PNLDC1: variants seen among roughly 807,000 people sequenced by gnomAD.
PNLDC1 encodes the protein poly(A)-specific ribonuclease PNLDC1.
PNLDC1 carries 70 observed loss-of-function variants against 82.0 expected under a neutral mutation model. The observed-to-expected ratio is 0.85, with a 90% confidence interval of 0.70 to 1.04. The LOEUF is 1.04. Among genes scored for constraint, PNLDC1 ranks in the 50% least tolerant of loss-of-function variants. The pLI, the probability that PNLDC1 is intolerant of heterozygous loss-of-function variation, is 0.00. For missense variants in PNLDC1, 631 were observed against 661.1 expected (o/e 0.95, Z 0.50); for synonymous variants, 280 against 249.3 (o/e 1.12, Z -1.16).
At chr6:159,801,673 T>C (rs1416541165) in intron 3 of PNLDC1, among the ~76,000 whole-genome samples, 1 of 151,808 alleles carries the variant, frequency 6.6e-6, no homozygotes, top group Non-Finnish European at 1.5e-5. Flanking sequence ...CTTGACTTCC[T>C]GGGCTCGAGC....
At position 159,809,986 on chromosome 6, in the gene PNLDC1, T is replaced by G. The variant is rs1351047693; in HGVS notation, c.784-40T>G. ...GTTAGTCTGTAGTGTCTGGATTACA[T>G]TTTTTTATTTTCTCTCACCTGTTGA... On this transcript the variant is annotated intron_variant, in intron 9 of 18. Transcript: ENST00000392167. The G allele has an allele frequency of 2.0e-6, 3 of 1,538,004 alleles. No individual in the cohort carries two copies. In the Admixed American group the frequency reaches 5.0e-5, roughly 26 times the overall value.
At chr6:159,801,561 G>A (rs961073118) in intron 3 of PNLDC1, among the ~76,000 whole-genome samples, 11 of 151,960 alleles carry the variant, frequency 7.2e-5, no homozygotes, top group African/African-American at 2.7e-4. Context: ...ATACTAGCAC[G>A]TCAGCCTCCT....
Position 159,819,291 on chromosome 6 carries a change from A to G in PNLDC1, c.1471A>G (p.Thr491Ala). ...CCTGAAGGAGTACCGGGACCACCCGACCCTGTGCATCTCCCTGTACCGCTA... is the reference window on the plus strand; with the variant it reads ...CCTGAAGGAGTACCGGGACCACCCGGCCCTGTGCATCTCCCTGTACCGCTA... ...NILKEYRDHP[T>A]LCISLYRYWR... The change falls in exon 18 of 19, where the codon ACC (threonine) becomes GCC (alanine). Residue 491 changes from threonine (T) to alanine (A), a missense_variant. Coordinates refer to ENST00000392167, the MANE Select transcript of PNLDC1 (RefSeq NM_001271862.2). This position sits in a 1 kb window ranked among gnomAD's most constrained non-coding sequence, Gnocchi z 4.6. 1 of 1,613,796 alleles carries G rather than the reference A, an allele frequency of 6.2e-7. No individual in the cohort carries two copies. The highest frequency in any genetic ancestry group is 8.5e-7 in the Non-Finnish European group (1 of 1,180,004).
chr6:159,820,383 G>C, intron 18 of PNLDC1, 71 bp from the exon 19 acceptor site: 1 of 1,452,318 alleles, frequency 6.9e-7, no homozygotes, highest in Non-Finnish European at 9.7e-7. Context: ...GAAGGAGGAG[G>C]GGCAAGCCTG....
At chr6:159,800,647 G>T in intron 1 of PNLDC1, 125 bp from the exon 2 acceptor site, 2 of 1,585,864 alleles carry the variant, frequency 1.3e-6, no homozygotes, top group South Asian at 2.2e-5. Context: ...TTCCCTTCCT[G>T]ACCTCACTTG....
Position 159,819,187 on chromosome 6 carries a change from C to T in PNLDC1, c.1433+66C>T. The T allele has an allele frequency of 6.2e-7, 1 of 1,609,068 alleles. No individual in the cohort carries two copies. The highest frequency in any genetic ancestry group is 8.5e-7 in the Non-Finnish European group (1 of 1,176,350). On this transcript the variant is annotated intron_variant, in intron 17 of 18. Transcript: ENST00000392167. The surrounding 1 kb of genome is among the most constrained non-coding windows in gnomAD (Gnocchi z 4.6). ...TCATCCCTGTATCTCTCTGACTCCA[C>T]CCGCCTGATCACAGCAGGCGGCGCC... is the stretch of plus-strand genomic sequence containing the variant.
intron 11 of PNLDC1, 86 bp from the exon 12 acceptor site, chr6:159,813,515 A>G (rs2115049838): frequency 8.1e-7 from 1 of 1,241,000 alleles, no homozygotes; most frequent in Admixed American, 1.7e-5. Context: ...TTTCCAGGCC[A>G]TTTTAATGAC....
At chr6:159,804,421 TG>T (rs1457552509) in intron 5 of PNLDC1, 127 bp from the exon 6 acceptor site, 11 of 689,170 alleles carry the variant, frequency 1.6e-5, no homozygotes, top group Non-Finnish European at 2.5e-6. Context: ...GTCTTACAAG[TG>T]ATCTAGACGA....
chr6:159,800,785 G>A lies in PNLDC1; in HGVS notation c.90G>A (p.Glu30=), dbSNP rs1008219879. Residue 30 remains glutamate (E), a synonymous_variant, in exon 2 of 19, where the codon GAG becomes GAA. Transcript: ENST00000392167. ...QEADFVGLDI[E]FTGLRSNLSG... Reference sequence around the variant, plus strand: ...CCTTCCTGGCAGGTCTGGACATAGAGTTCACGGGCCTTCGTTCTAACCTGT... The same window carrying A: ...CCTTCCTGGCAGGTCTGGACATAGAATTCACGGGCCTTCGTTCTAACCTGT... 2.8e-5 allele frequency: 45 copies of A among 1,614,074 alleles called. No individual in the cohort carries two copies. The highest frequency in any genetic ancestry group is 3.8e-5 in the Non-Finnish European group (45 of 1,180,052).
chr6:159,815,105 A>AG (rs1781770688), intron 12 of PNLDC1, among the ~76,000 whole-genome samples: 2 of 152,338 alleles, frequency 1.3e-5, no homozygotes, highest in African/African-American at 2.4e-5. Context: ...AAGACCTAGA[A>AG]GGGGTCACAG....
intron 3 of PNLDC1, among the ~76,000 whole-genome samples, chr6:159,802,498 GT>G (rs1781297185): frequency 6.6e-6 from 1 of 150,516 alleles, no homozygotes; most frequent in African/African-American, 2.4e-5. Flanking sequence ...TTTTTTTTTT[GT>G]TCGTTTGTTT....
chr6:159,806,888 CTTTTTTTTT>C (rs34866272), intron 7 of PNLDC1, among the ~76,000 whole-genome samples: 2 of 107,758 alleles, frequency 1.9e-5, no homozygotes, highest in Non-Finnish European at 3.9e-5. Flanking sequence ...AATTAGCTGC[CTTTTTTTTT>C]TTTTTTTTTT....
Position 159,819,526 on chromosome 6 carries a change from C to T in PNLDC1, c.1532+174C>T, listed in dbSNP as rs1781964700. Among the ~76,000 whole-genome samples, 3 of 152,186 alleles carry T rather than the reference C, an allele frequency of 2.0e-5. No individual in the cohort carries two copies. Among genetic ancestry groups the T allele is most frequent in the Admixed American group, 6.5e-5 (1 of 15,282 alleles). On this transcript the variant is annotated intron_variant, in intron 18 of 18. Transcript: ENST00000392167. The surrounding 1 kb of genome is among the most constrained non-coding windows in gnomAD (Gnocchi z 4.6). ...TCCTTCAGTGATGCCGCGTGTCTGT[C>T]GAGCACCTGCTGTGCTGGGCACCAT... is the stretch of plus-strand genomic sequence containing the variant.
intron 2 of PNLDC1, 65 bp from the exon 3 acceptor site, chr6:159,801,048 G>A (rs1781232819): frequency 4.5e-6 from 7 of 1,561,558 alleles, no homozygotes; most frequent in Non-Finnish European, 6.2e-6. Flanking sequence ...TGGTCCTGCC[G>A]CGGAGGCCAT....
intron 10 of PNLDC1, among the ~76,000 whole-genome samples, chr6:159,810,903 A>G (rs372542293): frequency 1.3e-5 from 2 of 152,362 alleles, no homozygotes; most frequent in African/African-American, 2.4e-5. Context: ...ACATTCACCA[A>G]AAAACTAAGT....
intron 7 of PNLDC1, among the ~76,000 whole-genome samples, chr6:159,806,989 T>G (rs183651010): frequency 0.012 from 1,746 of 150,348 alleles, 8 homozygotes; most frequent in Middle Eastern, 0.031. Context: ...GCCTCCCGGG[T>G]TCAAGTGATT....
intron 3 of PNLDC1, among the ~76,000 whole-genome samples, chr6:159,802,106 A>C (rs191998968): frequency 5.3e-5 from 8 of 152,252 alleles, no homozygotes; most frequent in South Asian, 2.1e-4. Context: ...CAGGCTGGTC[A>C]AGACAGAGCT....
chr6:159,802,981 G>A (rs1404878247), intron 3 of PNLDC1, among the ~76,000 whole-genome samples: 1 of 151,812 alleles, frequency 6.6e-6, no homozygotes, highest in East Asian at 1.9e-4. Flanking sequence ...AATGGTTTTT[G>A]GTATTTTCTG....
chr6:159,801,150 C>A lies in PNLDC1; in HGVS notation c.172C>A (p.Arg58Ser). The change falls in exon 3 of 19, where the codon CGT (arginine) becomes AGT (serine). Residue 58 changes from arginine (R) to serine (S), a missense_variant. Coordinates refer to ENST00000392167, the MANE Select transcript of PNLDC1 (RefSeq NM_001271862.2). The part of the protein sequence containing the change: ...DLPSEWYLKT[R>S]QSVQQFTVCQ... Reference sequence around the variant, plus strand: ...GCCATCGGAGTGGTATCTAAAGACCCGTCAGAGTGTTCAGCAATTTACAGT... The same window carrying A: ...GCCATCGGAGTGGTATCTAAAGACCAGTCAGAGTGTTCAGCAATTTACAGT... 6.2e-7 allele frequency: 1 copy of A among 1,614,030 alleles called. No homozygotes were observed. The highest frequency in any genetic ancestry group is 8.5e-7 in the Non-Finnish European group (1 of 1,179,980).
Sources: gnomAD v4.1 joint callset for allele counts (sites outside exome capture counted in the v4.1 genomes callset) on GRCh38, gnomAD v4.1.1 for gene constraint, Gnocchi (gnomAD v3.1) non-coding constraint, MANE v1.5 for transcripts, NCBI Gene and HGNC (gene_info 2026-07-23, HGNC 2026-07-21) for gene names.